Variants in MYO5B observed in about 807,000 individuals in gnomAD.
MYO5B encodes the protein myosin VB.
MYO5B carries 143 observed loss-of-function variants against 229.3 expected under a neutral mutation model. The ratio of observed to expected loss-of-function variants is 0.62; its 90% CI spans 0.54 to 0.72. MYO5B has a LOEUF of 0.72. Ranked by LOEUF, MYO5B falls within the 30% of genes least tolerant of loss-of-function variation. The probability of loss-of-function intolerance (pLI) is 0.00; values close to 1 mark genes in which losing one functional copy is unlikely to be tolerated. For missense variants in MYO5B, 2,321 were observed against 2,331.0 expected, an observed-to-expected ratio of 1.00 and a Z score of 0.09; for synonymous variants, 918 against 885.2, an observed-to-expected ratio of 1.04 and a Z score of -0.66.
At chr18:50,051,622 C>G (rs1040437153) in intron 2 of MYO5B, among the ~76,000 whole-genome samples, 1 of 152,174 alleles carries the variant, frequency 6.6e-6, no homozygotes, top group Non-Finnish European at 1.5e-5. Context: ...TAAAAACAGT[C>G]TTGTGCTAAG....
intron 13 of MYO5B, 108 bp from the exon 14 acceptor site, chr18:49,953,451 T>C (rs919312013): frequency 6.5e-6 from 6 of 919,540 alleles, no homozygotes; most frequent in African/African-American, 3.2e-5. Context: ...TGTGAGTAGA[T>C]AGGAAACCCA....
intron 4 of MYO5B, among the ~76,000 whole-genome samples, chr18:50,011,993 G>C (rs1031387955): frequency 3.3e-5 from 5 of 152,030 alleles, no homozygotes; most frequent in African/African-American, 1.2e-4. Context: ...TCAGGGAAGA[G>C]GCAACGCTGA....
Position 49,954,343 on chromosome 18 carries a change from C to T in MYO5B, c.1638G>A (p.Thr546=), listed in dbSNP as rs755229427. The change falls in exon 13 of 40, where the codon ACG becomes ACA. Residue 546 remains threonine, a synonymous_variant. Coordinates refer to ENST00000285039, the MANE Select transcript of MYO5B (RefSeq NM_001080467.3). ...CTGCAAAGTGGACGATGATGAAGGC[C>T]GTGTTGGACATGCGGGGCTTCTGGA... is the stretch of plus-strand genomic sequence containing the variant. The part of the protein sequence containing the change: ...QHFQKPRMSN[T]AFIIVHFADK... 2.6e-5 allele frequency: 42 copies of T among 1,613,824 alleles called. No individual in the cohort carries two copies. The Admixed American group carries it at 4.2e-4, about 16-fold the overall frequency.
intron 4 of MYO5B, among the ~76,000 whole-genome samples, chr18:50,019,709 G>GC (rs2026254255): frequency 6.6e-6 from 1 of 152,150 alleles, no homozygotes. Flanking sequence ...TAGAATGAGC[G>GC]CAAGACTGGG....
intron 4 of MYO5B, among the ~76,000 whole-genome samples, chr18:50,020,707 A>G (rs2026264645): frequency 2.0e-5 from 3 of 152,248 alleles, no homozygotes; most frequent in Non-Finnish European, 4.4e-5. Context: ...CCCTGAACTC[A>G]GGCAGCAGGG....
chr18:50,049,024 GAAAAAA>G (rs33975553), intron 2 of MYO5B, among the ~76,000 whole-genome samples: 3 of 126,602 alleles, frequency 2.4e-5, no homozygotes, highest in African/African-American at 8.9e-5. Context: ...TCCATCTCAG[GAAAAAA>G]AAAAAAAAAA....
In MYO5B at chr18:49,836,954, T is replaced by C. The variant is rs2023994823; in HGVS notation, c.5139-69A>G. 9.2e-6 allele frequency: 14 copies of C among 1,525,552 alleles called. 1 individual carries two copies. The highest frequency in any genetic ancestry group is 1.7e-4 in the Middle Eastern group (1 of 5,930). The allele number at this position is 1,525,552 out of a possible 1,614,324, so 94.5% of individuals were successfully genotyped here. ...TAATTCACTGAGAAGGGGACACCTG[T>C]TGTGTTTTGCAGGCCCGCTGCAGCT... On this transcript the variant is annotated intron_variant, in intron 37 of 39. Transcript: ENST00000285039.
chr18:49,913,281 T>C (rs1011640349), intron 17 of MYO5B, among the ~76,000 whole-genome samples: 4 of 152,236 alleles, frequency 2.6e-5, no homozygotes, highest in Non-Finnish European at 5.9e-5. Context: ...AAATCTGCTA[T>C]TTCCAGGTAG....
intron 1 of MYO5B, among the ~76,000 whole-genome samples, chr18:50,184,830 G>A (rs2033123455): frequency 1.3e-5 from 2 of 151,736 alleles, no homozygotes; most frequent in Admixed American, 1.3e-4. Flanking sequence ...CTTGAGGCCA[G>A]GAGTTCAAGA....
At chr18:50,041,908 T>C (rs1373271609) in intron 2 of MYO5B, among the ~76,000 whole-genome samples, 2 of 152,110 alleles carry the variant, frequency 1.3e-5, no homozygotes, top group African/African-American at 4.8e-5. Context: ...CAAAGAGTTA[T>C]AAGAAATTAA....
At chr18:50,065,792 T>G (rs2030806080) in intron 1 of MYO5B, among the ~76,000 whole-genome samples, 1 of 152,082 alleles carries the variant, frequency 6.6e-6, no homozygotes, top group South Asian at 2.1e-4. Context: ...CTGTGGGTCA[T>G]CGGGAAAGGC....
chr18:50,040,557 T>A (rs1026579235), intron 2 of MYO5B, among the ~76,000 whole-genome samples: 1 of 152,218 alleles, frequency 6.6e-6, no homozygotes, highest in African/African-American at 2.4e-5. Context: ...TAAGAGAGTG[T>A]TCTATTGCTT....
intron 14 of MYO5B, among the ~76,000 whole-genome samples, chr18:49,945,764 G>GGAGGGGAGGAGGGGAGGAGGA (rs1568041753): frequency 6.2e-5 from 4 of 64,594 alleles, no homozygotes; most frequent in Non-Finnish European, 8.4e-5. Context: ...GGGAGGAGGA[G>GGAGGGGAGGAGGGGAGGAGGA]GAGGAGGAGA....
At chr18:50,005,198 T>C (rs1406687400) in intron 4 of MYO5B, among the ~76,000 whole-genome samples, 4 of 152,204 alleles carry the variant, frequency 2.6e-5, no homozygotes, top group East Asian at 1.9e-4. Context: ...AGCTTTTTAG[T>C]TGAGCATGTA....
chr18:49,911,586 T>C (rs1054466739), intron 18 of MYO5B, among the ~76,000 whole-genome samples: 1 of 152,324 alleles, frequency 6.6e-6, no homozygotes. Context: ...TCAATTATCC[T>C]CTAGTGGTGT....
At chr18:49,846,028 G>T (rs930696860) in intron 33 of MYO5B, among the ~76,000 whole-genome samples, 3 of 152,204 alleles carry the variant, frequency 2.0e-5, no homozygotes, top group Non-Finnish European at 4.4e-5. Flanking sequence ...CCCAGCTGGG[G>T]AAGGAATTCT....
intron 1 of MYO5B, among the ~76,000 whole-genome samples, chr18:50,177,296 A>G (rs2033011172): frequency 6.6e-6 from 1 of 152,166 alleles, no homozygotes; most frequent in Non-Finnish European, 1.5e-5. Flanking sequence ...TTTGAATATT[A>G]CCGTGTTATT....
chr18:49,858,816 T>G (rs2144070372), intron 29 of MYO5B, among the ~76,000 whole-genome samples: 1 of 152,200 alleles, frequency 6.6e-6, no homozygotes, highest in South Asian at 2.1e-4. Flanking sequence ...TAAAAACCAG[T>G]CAACCAACTT....
Position 49,937,388 on chromosome 18 carries a change from C to A in MYO5B, c.1762G>T (p.Val588Leu). 1 of 1,614,052 alleles carries A rather than the reference C, an allele frequency of 6.2e-7. No individual in the cohort carries two copies. The highest frequency in any genetic ancestry group is 8.5e-7 in the Non-Finnish European group (1 of 1,179,926). ...NILKASKFPL[V>L]ADLFHDDKDP... Reference sequence around the variant, plus strand: ...TTGTCATCATGAAACAAGTCAGCCACTAGTGGGAACTAGAAACAATCACAG... The same window carrying A: ...TTGTCATCATGAAACAAGTCAGCCAATAGTGGGAACTAGAAACAATCACAG... Residue 588 changes from valine to leucine, a missense_variant, in exon 15 of 40, where the codon GTG becomes TTG. Physicochemically the swap from Val to Leu is conservative, Grantham distance 32. Coordinates refer to ENST00000285039, the MANE Select transcript of MYO5B (RefSeq NM_001080467.3).
Sources: gnomAD v4.1 joint callset for allele counts (sites outside exome capture counted in the v4.1 genomes callset) on GRCh38, gnomAD v4.1.1 for gene constraint, MANE v1.5 for transcripts, NCBI Gene and HGNC (gene_info 2026-07-23, HGNC 2026-07-21) for gene names.